Variants in GSG1L observed in about 807,000 individuals in gnomAD.
GSG1L encodes the protein GSG1 like, also known as germ cell-specific gene 1-like protein.
In GSG1L, 24 loss-of-function variants were observed where a neutral mutation model predicts 42.1. The observed-to-expected ratio is 0.57, with a 90% CI of 0.41 to 0.80. GSG1L has a LOEUF of 0.80. Among genes scored for constraint, GSG1L ranks in the 30% least tolerant of loss-of-function variants. The pLI is 0.00. For missense variants in GSG1L, 445 were observed against 472.2 expected (o/e 0.94, Z 0.53); for synonymous variants, 215 against 203.5 (o/e 1.06, Z -0.48).
intron 2 of GSG1L, among the ~76,000 whole-genome samples, chr16:27,926,016 C>T (rs2084588309): frequency 2.0e-5 from 3 of 152,202 alleles, no homozygotes; most frequent in South Asian, 4.1e-4. Flanking sequence ...ATTTGGGAAG[C>T]GTGCTCTGTG....
intron 3 of GSG1L, among the ~76,000 whole-genome samples, chr16:27,869,011 C>G (rs1158072362): frequency 2.0e-5 from 3 of 152,080 alleles, no homozygotes; most frequent in Non-Finnish European, 2.9e-5. Flanking sequence ...CATGTGTTCA[C>G]TAAGAGGCAG....
Position 27,892,684 on chromosome 16 carries a change from G to A in GSG1L, c.398-8046C>T, listed in dbSNP as rs189315156. On this transcript the variant is annotated intron_variant, in intron 2 of 6. Coordinates refer to ENST00000447459, the MANE Select transcript of GSG1L (RefSeq NM_001109763.2). Reference sequence around the variant, plus strand: ...GTGTGCCTGTGATCTCAGCTACTCGGGAGGCTGAGGCAGGAGAATTCCTTG... The same window carrying A: ...GTGTGCCTGTGATCTCAGCTACTCGAGAGGCTGAGGCAGGAGAATTCCTTG... 2.4e-3 allele frequency among the ~76,000 whole-genome samples: 372 copies of A among 152,034 alleles called. 3 individuals are homozygous for A. Among genetic ancestry groups the A allele is most frequent in the Middle Eastern group, 0.01 (3 of 294 alleles).
At chr16:27,999,677 A>G (rs1338823282) in intron 1 of GSG1L, among the ~76,000 whole-genome samples, 4 of 152,232 alleles carry the variant, frequency 2.6e-5, no homozygotes, top group African/African-American at 7.2e-5. Flanking sequence ...TCAAGGGAGT[A>G]CTACTGTATT....
chr16:27,862,792 C>A (rs1425457646), intron 3 of GSG1L, among the ~76,000 whole-genome samples: 1 of 152,200 alleles, frequency 6.6e-6, no homozygotes, highest in Non-Finnish European at 1.5e-5. Context: ...CTACGCTCCC[C>A]ATATACACAG....
intron 2 of GSG1L, among the ~76,000 whole-genome samples, chr16:27,937,040 C>T (rs571892694): frequency 6.6e-6 from 1 of 152,324 alleles, no homozygotes; most frequent in East Asian, 1.9e-4. Context: ...TGACAATAAC[C>T]TGATGACCTT....
intron 1 of GSG1L, among the ~76,000 whole-genome samples, chr16:28,045,664 C>T (rs115283474): frequency 9.2e-4 from 140 of 151,388 alleles, no homozygotes; most frequent in African/African-American, 2.9e-3. Context: ...GCAACAAGAA[C>T]GAAACTCCAT....
At chr16:27,916,840 G>C (rs2084462335) in intron 2 of GSG1L, among the ~76,000 whole-genome samples, 1 of 151,140 alleles carries the variant, frequency 6.6e-6, no homozygotes, top group Non-Finnish European at 1.5e-5. Context: ...TATAAGCATT[G>C]ATCATCATTA....
At chr16:27,818,735 C>T (rs182139705) in intron 5 of GSG1L, among the ~76,000 whole-genome samples, 38 of 151,890 alleles carry the variant, frequency 2.5e-4, no homozygotes, top group African/African-American at 9.2e-4. Context: ...GATTCCATAA[C>T]ATCACGTAAA....
chr16:27,903,011 C>A (rs992247358), intron 2 of GSG1L, among the ~76,000 whole-genome samples: 1 of 151,930 alleles, frequency 6.6e-6, no homozygotes, highest in Non-Finnish European at 1.5e-5. Context: ...GGCGGCCAGG[C>A]GAGCCGAGTG....
intron 5 of GSG1L, among the ~76,000 whole-genome samples, chr16:27,827,925 T>TCATC (rs1168416050): frequency 8.9e-4 from 70 of 78,852 alleles, no homozygotes; most frequent in Middle Eastern, 6.3e-3. Flanking sequence ...CATCCACCAC[T>TCATC]CATCCATCCA....
chr16:27,992,886 C>T (rs1161386743), intron 1 of GSG1L, among the ~76,000 whole-genome samples: 1 of 152,144 alleles, frequency 6.6e-6, no homozygotes, highest in African/African-American at 2.4e-5. Context: ...CCCACATCCT[C>T]CACCTTATAA....
intron 3 of GSG1L, among the ~76,000 whole-genome samples, chr16:27,869,744 T>C (rs2083785840): frequency 6.8e-6 from 1 of 146,428 alleles, no homozygotes; most frequent in Non-Finnish European, 1.5e-5. Context: ...TCCCTCCATC[T>C]CTCTCTCCTT....
At chr16:28,046,287 C>T (rs1392217114) in intron 1 of GSG1L, among the ~76,000 whole-genome samples, 5 of 148,594 alleles carry the variant, frequency 3.4e-5, no homozygotes, top group Non-Finnish European at 5.9e-5. Context: ...TTAGCTATTG[C>T]TAGGAAAACA....
At chr16:27,846,956 C>CA (rs5816450) in intron 3 of GSG1L, among the ~76,000 whole-genome samples, 35,040 of 113,396 alleles carry the variant, frequency 0.31, 5,420 homozygotes, top group Middle Eastern at 0.38. Context: ...GACTCCGTCT[C>CA]AAAAAAAAAA....
chr16:28,026,425 T>C (rs1444438933), intron 1 of GSG1L, among the ~76,000 whole-genome samples: 1 of 152,088 alleles, frequency 6.6e-6, no homozygotes, highest in Non-Finnish European at 1.5e-5. Flanking sequence ...AAGCCCAAGG[T>C]GGACTAGAGC....
chr16:28,007,494 G>T (rs2085655629), intron 1 of GSG1L, among the ~76,000 whole-genome samples: 1 of 89,142 alleles, frequency 1.1e-5, no homozygotes, highest in Non-Finnish European at 2.2e-5. Flanking sequence ...TTGGTTGGTT[G>T]GTTGGTTGGT....
chr16:27,893,684 A>G (rs1304626675), intron 2 of GSG1L, among the ~76,000 whole-genome samples: 1 of 152,128 alleles, frequency 6.6e-6, no homozygotes, highest in African/African-American at 2.4e-5. Context: ...GGCTCAAGAG[A>G]TTCTTCTGTC....
chr16:27,884,508 C>T lies in GSG1L; in HGVS notation c.528G>A (p.Ala176=), dbSNP rs1421014654. Reference sequence around the variant, plus strand: ...TACCTGAGAGCACCGTGAAGACAGCCGCGAAGGCATTGAGCTTGAGCCCGT... The same window carrying T: ...TACCTGAGAGCACCGTGAAGACAGCTGCGAAGGCATTGAGCTTGAGCCCGT... The part of the protein sequence containing the change: ...VIDGLKLNAF[A]AVFTVLSGLL... The change falls in exon 3 of 7, where the codon GCG becomes GCA. Residue 176 remains alanine, a synonymous_variant. Coordinates refer to ENST00000447459, the MANE Select transcript of GSG1L (RefSeq NM_001109763.2). The surrounding 1 kb of genome is among the most constrained non-coding windows in gnomAD (Gnocchi z 4.4). The T allele has an allele frequency of 7.4e-6, 12 of 1,613,666 alleles. No homozygotes were observed. Among genetic ancestry groups the T allele is most frequent in the South Asian group, 5.5e-5 (5 of 91,008 alleles).
At position 27,884,268 on chromosome 16, in the gene GSG1L, G is replaced by T. The variant is rs2083999447; in HGVS notation, c.550+218C>A. 6.6e-6 allele frequency among the ~76,000 whole-genome samples: 1 copy of T among 152,168 alleles called. No homozygotes were observed. Among genetic ancestry groups the T allele is most frequent in the Non-Finnish European group, 1.5e-5 (1 of 68,036 alleles). Reference sequence around the variant, plus strand: ...TTGAGGTCTGGGACTGCCTGCTTTTGCTCATTACTATAGCCTTAGTACCTG... The same window carrying T: ...TTGAGGTCTGGGACTGCCTGCTTTTTCTCATTACTATAGCCTTAGTACCTG... On this transcript the variant is annotated intron_variant, in intron 3 of 6. Coordinates refer to ENST00000447459, the MANE Select transcript of GSG1L (RefSeq NM_001109763.2). The surrounding 1 kb of genome is among the most constrained non-coding windows in gnomAD (Gnocchi z 4.4).
Sources: gnomAD v4.1 joint callset for allele counts (sites outside exome capture counted in the v4.1 genomes callset) on GRCh38, gnomAD v4.1.1 for gene constraint, Gnocchi (gnomAD v3.1) non-coding constraint, MANE v1.5 for transcripts, NCBI Gene and HGNC (gene_info 2026-07-23, HGNC 2026-07-21) for gene names.